The following PTPRN2 variants were observed in gnomAD, a reference collection of about 807,000 sequenced individuals.
The protein encoded by PTPRN2 is protein tyrosine phosphatase receptor type N2.
A neutral mutation model predicts 118.8 loss-of-function variants in PTPRN2; 74 were observed. The observed-to-expected ratio is 0.62, with a 90% CI of 0.52 to 0.76. PTPRN2 has a LOEUF of 0.76. PTPRN2 is among the 30% of genes least tolerant of loss of function. The pLI is 0.00. For synonymous variants in PTPRN2, 641 were observed against 608.0 expected, an observed-to-expected ratio of 1.05 and a Z score of -0.80; for missense variants, 1,481 against 1,394.4, an observed-to-expected ratio of 1.06 and a Z score of -0.99.
intron 11 of PTPRN2, among the ~76,000 whole-genome samples, chr7:157,947,182 A>C (rs912912358): frequency 6.7e-5 from 10 of 148,198 alleles, no homozygotes; most frequent in East Asian, 6.0e-4. Flanking sequence ...ACTTCTTCCA[A>C]GTGGGCCAAA....
At chr7:158,279,833 C>T (rs913627316) in intron 3 of PTPRN2, among the ~76,000 whole-genome samples, 4 of 152,192 alleles carry the variant, frequency 2.6e-5, no homozygotes, top group Admixed American at 6.5e-5. Flanking sequence ...GAGCAGACAC[C>T]GAGGCAGAGA....
rs1801493004 is a variant in PTPRN2 at position 157,598,669 on chromosome 7, CG to C, written c.2419-3355del. Among the ~76,000 whole-genome samples, 1 of 152,178 alleles carries C rather than the reference CG, an allele frequency of 6.6e-6. No individual in the cohort carries two copies. Among genetic ancestry groups the C allele is most frequent in the African/African-American group, 2.4e-5 (1 of 41,454 alleles). On this transcript the variant is annotated intron_variant, in intron 16 of 22. Coordinates refer to ENST00000389418, the MANE Select transcript of PTPRN2 (RefSeq NM_002847.5). The surrounding 1 kb of genome is among the most constrained non-coding windows in gnomAD (Gnocchi z 5.2). ...TGGTGTTGGTCATCCCGAAACTGTC[CG>C]TGAAAACCTGTAAATTTATTAGGTG...
chr7:157,683,906 A>T (rs1340033646), intron 12 of PTPRN2, among the ~76,000 whole-genome samples: 1 of 152,166 alleles, frequency 6.6e-6, no homozygotes, highest in East Asian at 1.9e-4. Context: ...GGCTGCTACA[A>T]GATGAGAACA....
rs995332090 is a variant in PTPRN2, at chr7:157,868,225, T to A, written c.1788+30448A>T. Among the ~76,000 whole-genome samples the A allele has an allele frequency of 6.6e-6, 1 of 152,200 alleles. No individual in the cohort carries two copies. The highest frequency in any genetic ancestry group is 1.5e-5 in the Non-Finnish European group (1 of 68,026). On this transcript the variant is annotated intron_variant, in intron 12 of 22. Transcript: ENST00000389418. This position sits in a 1 kb window ranked among gnomAD's most constrained non-coding sequence, Gnocchi z 5.2. The stretch of plus-strand genomic sequence containing the variant: ...GACAGCCCAGTGGTGCACCTACAAC[T>A]GCTTCCCATCGAGGTGGTGGGCTGG...
chr7:157,721,681 C>T (rs1799242888), intron 12 of PTPRN2, among the ~76,000 whole-genome samples: 1 of 152,130 alleles, frequency 6.6e-6, no homozygotes. Context: ...GTGTGTGTCT[C>T]GACACTGTGG....
In PTPRN2 at chr7:158,563,106, C is replaced by T. The variant is rs974772875; in HGVS notation, c.112+24452G>A. On this transcript the variant is annotated intron_variant, in intron 1 of 22. Transcript: ENST00000389418. The surrounding 1 kb of genome is among the most constrained non-coding windows in gnomAD (Gnocchi z 5.1). ...ACATAGAGCCTCTCGAAGCCTTGCA[C>T]GGACAAAGAAGGTATCTGCTGGTGC... Among the ~76,000 whole-genome samples, 5 of 152,154 alleles carry T rather than the reference C, an allele frequency of 3.3e-5. No individual in the cohort carries two copies. Among genetic ancestry groups the T allele is most frequent in the Admixed American group, 6.5e-5 (1 of 15,276 alleles).
chr7:157,791,421 G>T (rs1350299083), intron 12 of PTPRN2, among the ~76,000 whole-genome samples: 1 of 152,252 alleles, frequency 6.6e-6, no homozygotes. Context: ...CGGAGCGGCC[G>T]CTGGGCTTGG....
intron 12 of PTPRN2, among the ~76,000 whole-genome samples, chr7:157,756,007 A>G (rs1395745948): frequency 6.6e-6 from 1 of 152,230 alleles, no homozygotes; most frequent in Non-Finnish European, 1.5e-5. Context: ...TAAATGCTGC[A>G]GTGGTTTACT....
intron 12 of PTPRN2, among the ~76,000 whole-genome samples, chr7:157,782,720 C>T (rs1331310593): frequency 2.6e-5 from 4 of 152,216 alleles, no homozygotes; most frequent in Non-Finnish European, 5.9e-5. Flanking sequence ...CACAGCATCG[C>T]ATCAACATTC....
intron 2 of PTPRN2, among the ~76,000 whole-genome samples, chr7:158,440,410 G>A (rs1816902471): frequency 6.6e-6 from 1 of 152,216 alleles, no homozygotes; most frequent in Non-Finnish European, 1.5e-5. Flanking sequence ...TGGTAGTGGT[G>A]GTGGTGATAG....
chr7:157,995,870 G>A (rs189307808), intron 11 of PTPRN2, among the ~76,000 whole-genome samples: 13 of 152,326 alleles, frequency 8.5e-5, no homozygotes, highest in South Asian at 4.1e-4. Context: ...ACATGAAATC[G>A]ACGTAAGTGT....
chr7:157,621,371 C>T lies in PTPRN2; in HGVS notation c.2335G>A (p.Val779Met), dbSNP rs756057151. The T allele has an allele frequency of 4.0e-5, 64 of 1,611,812 alleles. No individual in the cohort carries two copies. Among genetic ancestry groups the T allele is most frequent in the Admixed American group, 1.3e-4 (8 of 59,954 alleles). ...ENVPKNRSLA[V>M]LTYDHSRVLL... is the part of the protein sequence containing the mutation. ...CGGGGCTGGTACGTACAGGTCAGCACGGCCAGGGAGCGGTTCTTGGGCACG... is the reference window on the plus strand; with the variant it reads ...CGGGGCTGGTACGTACAGGTCAGCATGGCCAGGGAGCGGTTCTTGGGCACG... Residue 779 changes from valine (V) to methionine (M), a missense_variant, in exon 15 of 23, where the codon GTG becomes ATG. Coordinates refer to ENST00000389418, the MANE Select transcript of PTPRN2 (RefSeq NM_002847.5).
intron 10 of PTPRN2, among the ~76,000 whole-genome samples, chr7:158,091,102 T>C (rs1413832723): frequency 6.6e-6 from 1 of 152,194 alleles, no homozygotes; most frequent in South Asian, 2.1e-4. Flanking sequence ...GTTATTTCTG[T>C]ATAGTAACGA....
chr7:157,958,180 A>G (rs1480411104), intron 11 of PTPRN2, among the ~76,000 whole-genome samples: 1 of 152,220 alleles, frequency 6.6e-6, no homozygotes, highest in Non-Finnish European at 1.5e-5. Flanking sequence ...CAGAAAAAGC[A>G]TCTGACAAAA....
At chr7:158,309,076 TCA>T (rs1801504519) in intron 3 of PTPRN2, among the ~76,000 whole-genome samples, 1 of 152,232 alleles carries the variant, frequency 6.6e-6, no homozygotes, top group Admixed American at 6.5e-5. Context: ...CATCATTCTT[TCA>T]CAGTCTTCCA....
At chr7:158,515,033 G>A (rs565108409) in intron 1 of PTPRN2, among the ~76,000 whole-genome samples, 1 of 152,098 alleles carries the variant, frequency 6.6e-6, no homozygotes, top group African/African-American at 2.4e-5. Flanking sequence ...AATTTGTGCC[G>A]AACATTTACG....
intron 11 of PTPRN2, among the ~76,000 whole-genome samples, chr7:158,042,325 C>T (rs115135912): frequency 0.013 from 2,011 of 152,210 alleles, 47 homozygotes; most frequent in African/African-American, 0.045. Context: ...TCGGGAGTTC[C>T]GGTGGATTCA....
chr7:158,238,648 G>C (rs1224347691), intron 3 of PTPRN2, among the ~76,000 whole-genome samples: 1 of 152,160 alleles, frequency 6.6e-6, no homozygotes. Context: ...ATTAAGAAGT[G>C]GGTGCCCAGG....
chr7:157,562,783 T>C (rs1799261167), intron 21 of PTPRN2, among the ~76,000 whole-genome samples: 1 of 142,588 alleles, frequency 7.0e-6, no homozygotes, highest in South Asian at 2.3e-4. Flanking sequence ...CAGGACCATG[T>C]GCTCCCGCAT....
Sources: gnomAD v4.1 joint callset for allele counts (sites outside exome capture counted in the v4.1 genomes callset) on GRCh38, gnomAD v4.1.1 for gene constraint, Gnocchi (gnomAD v3.1) non-coding constraint, MANE v1.5 for transcripts, NCBI Gene and HGNC (gene_info 2026-07-23, HGNC 2026-07-21) for gene names.